Variants in RXYLT1 observed in about 807,000 individuals in gnomAD.
The protein encoded by RXYLT1 is ribitol xylosyltransferase 1.
A neutral mutation model predicts 43.5 loss-of-function variants in RXYLT1; 41 were observed. The ratio of observed to expected loss-of-function variants is 0.94; its 90% CI spans 0.73 to 1.22. RXYLT1 has a LOEUF of 1.22. Ranked by LOEUF, RXYLT1 falls within the 50% of genes most tolerant of loss-of-function variation. The probability of loss-of-function intolerance (pLI) is 0.00; values close to 1 mark genes in which losing one functional copy is unlikely to be tolerated. For synonymous variants in RXYLT1, 166 were observed against 194.4 expected (o/e 0.85, Z 1.21); for missense variants, 514 against 532.0 (o/e 0.97, Z 0.33).
In RXYLT1 at chr12:63,802,075, GTGT is replaced by G; in HGVS notation, c.429-11_429-9del. 6.4e-7 allele frequency: 1 copy of G among 1,556,156 alleles called. No individual in the cohort carries two copies. The highest frequency in any genetic ancestry group is 8.7e-7 in the Non-Finnish European group (1 of 1,152,366). On this transcript the variant is annotated splice_polypyrimidine_tract_variant and intron_variant, in intron 3 of 5. Transcript: ENST00000261234. ...GCTTTGTTTGTCTCTTGTTTTTGTTGTGTTGTTTTTAACAGCTTCATCACTGGT... is the reference window on the plus strand; with the variant it reads ...GCTTTGTTTGTCTCTTGTTTTTGTTGTGTTTTTAACAGCTTCATCACTGGT...
chr12:63,781,259 T>C (rs1042560278), intron 2 of RXYLT1, 85 bp downstream of exon 2: 22 of 1,280,536 alleles, frequency 1.7e-5, no homozygotes, highest in Admixed American at 1.3e-4. Context: ...ATATAATTTA[T>C]TTCATAATTT....
chr12:63,792,711 C>T (rs1592847081), intron 3 of RXYLT1, among the ~76,000 whole-genome samples: 1 of 152,148 alleles, frequency 6.6e-6, no homozygotes, highest in Admixed American at 6.5e-5. Flanking sequence ...AATTTTAATC[C>T]TCAGAACCAC....
At chr12:63,782,565 A>T (rs776083478) in intron 2 of RXYLT1, 2 of 456,668 alleles carry the variant, frequency 4.4e-6, no homozygotes, top group South Asian at 1.5e-5. Context: ...GTTTCTGCTC[A>T]TAAAACATTC....
At chr12:63,791,144 C>G (rs1301612867) in intron 3 of RXYLT1, among the ~76,000 whole-genome samples, 2 of 152,174 alleles carry the variant, frequency 1.3e-5, no homozygotes, top group African/African-American at 2.4e-5. Flanking sequence ...CATTCTGTCT[C>G]TTGAAGGAAC....
chr12:63,783,745 A>T (rs190388873), intron 2 of RXYLT1, among the ~76,000 whole-genome samples: 2 of 152,170 alleles, frequency 1.3e-5, no homozygotes, highest in African/African-American at 4.8e-5. Flanking sequence ...TCCAGGTACC[A>T]TAATCTTAAC....
chr12:63,785,868 G>T (rs1897789788), intron 3 of RXYLT1, among the ~76,000 whole-genome samples: 1 of 152,092 alleles, frequency 6.6e-6, no homozygotes, highest in African/African-American at 2.4e-5. Context: ...AAAAGCTATA[G>T]TTAACCTCAA....
At chr12:63,797,162 C>T (rs1306085944) in intron 3 of RXYLT1, among the ~76,000 whole-genome samples, 2 of 151,748 alleles carry the variant, frequency 1.3e-5, no homozygotes, top group Admixed American at 6.6e-5. Flanking sequence ...TGGGGTTTCA[C>T]CATGTTGGCC....
intron 3 of RXYLT1, among the ~76,000 whole-genome samples, chr12:63,794,081 C>G (rs900432541): frequency 6.6e-6 from 1 of 152,128 alleles, no homozygotes; most frequent in East Asian, 1.9e-4. Context: ...CATCTTGTAG[C>G]CTTTAAGTGA....
chr12:63,809,058 TAGAA>T lies in RXYLT1; in HGVS notation c.1301_1304del (p.Glu434AlafsTer4). 1 of 1,562,162 alleles carries T rather than the reference TAGAA, an allele frequency of 6.4e-7. No individual in the cohort carries two copies. ...CTTAAAATGAAATTTACTAATATTT[TAGAA>T]AGCTCATTTTTAATGAATAATAAAA... On this transcript the variant is annotated frameshift_variant, in exon 6 of 6. Transcript: ENST00000261234. LOFTEE classifies it high-confidence loss of function.
chr12:63,808,912 C>A lies in RXYLT1; in HGVS notation c.1152C>A (p.Ile384=), dbSNP rs753169558. The A allele has an allele frequency of 6.2e-7, 1 of 1,613,872 alleles. No individual in the cohort carries two copies. The highest frequency in any genetic ancestry group is 1.3e-5 in the African/African-American group (1 of 74,902). ...TCAAGTCCATGGGTGCTCCCTTTAT[C>A]TTTATCAAGAACTGGAAGGAACTCC... ...QLLKSMGAPF[I]FIKNWKELPA... The change falls in exon 6 of 6, where the codon ATC becomes ATA. Residue 384 remains isoleucine, a synonymous_variant. Transcript: ENST00000261234.
intron 3 of RXYLT1, among the ~76,000 whole-genome samples, chr12:63,789,875 G>A (rs193145674): frequency 1.9e-3 from 283 of 152,282 alleles, no homozygotes; most frequent in African/African-American, 6.6e-3. Context: ...CACCATCCTT[G>A]TTTGACCAAA....
At chr12:63,801,844 C>A (rs955467756) in intron 3 of RXYLT1, among the ~76,000 whole-genome samples, 26 of 151,800 alleles carry the variant, frequency 1.7e-4, no homozygotes, top group African/African-American at 6.3e-4. Flanking sequence ...CAAAAAAACA[C>A]AAAACTATCA....
At chr12:63,790,732 G>C (rs533385764) in intron 3 of RXYLT1, among the ~76,000 whole-genome samples, 1 of 152,204 alleles carries the variant, frequency 6.6e-6, no homozygotes, top group East Asian at 1.9e-4. Context: ...AAAGTGCTGG[G>C]ATTACACGTG....
At chr12:63,800,914 C>CT (rs1898144828) in intron 3 of RXYLT1, among the ~76,000 whole-genome samples, 1 of 149,942 alleles carries the variant, frequency 6.7e-6, no homozygotes. Context: ...GACTGAGACT[C>CT]TGTCTCAAAA....
At chr12:63,805,010 A>G (rs373918866) in intron 4 of RXYLT1, 28 of 414,090 alleles carry the variant, frequency 6.8e-5, no homozygotes, top group African/African-American at 4.9e-4. Flanking sequence ...TAGGCACAAC[A>G]TCTCTGTAAC....
chr12:63,805,528 T>G, intron 5 of RXYLT1, 124 bp downstream of exon 5: 1 of 927,792 alleles, frequency 1.1e-6, no homozygotes. Flanking sequence ...CCCCAGAAGA[T>G]ACATTAGTAA....
intron 4 of RXYLT1, chr12:63,804,435 A>G (rs1243989615): frequency 1.3e-5 from 2 of 152,192 alleles, no homozygotes; most frequent in Non-Finnish European, 2.9e-5. Context: ...CCTGTATGGC[A>G]TACCATGGTT....
At chr12:63,780,158 G>T (rs1461773359) in intron 1 of RXYLT1, 29 bp downstream of exon 1, 3 of 1,435,046 alleles carry the variant, frequency 2.1e-6, no homozygotes, top group Non-Finnish European at 2.7e-6. Flanking sequence ...CTTCCTTCCG[G>T]CTCTGCGCTC....
Position 63,781,109 on chromosome 12 carries a change from T to C in RXYLT1, c.260T>C (p.Ile87Thr). Reference sequence around the variant, plus strand: ...CACAGATTTAAAACTAGCCTTCAAATATTAGATAAATCCACGAAAGGAAAA... The same window carrying C: ...CACAGATTTAAAACTAGCCTTCAAACATTAGATAAATCCACGAAAGGAAAA... ...QQHRFKTSLQ[I>T]LDKSTKGKTD... Residue 87 changes from isoleucine (I) to threonine (T), a missense_variant, in exon 2 of 6, where the codon ATA becomes ACA. Physicochemically the swap from Ile to Thr is moderately conservative, Grantham distance 89. Transcript: ENST00000261234. The C allele has an allele frequency of 6.2e-7, 1 of 1,609,404 alleles. No homozygotes were observed. Among genetic ancestry groups the C allele is most frequent in the Non-Finnish European group, 8.5e-7 (1 of 1,178,350 alleles).
Sources: gnomAD v4.1 joint callset for allele counts (sites outside exome capture counted in the v4.1 genomes callset) on GRCh38, gnomAD v4.1.1 for gene constraint, MANE v1.5 for transcripts, NCBI Gene and HGNC (gene_info 2026-07-23, HGNC 2026-07-21) for gene names.